CLIC5: variants seen among roughly 807,000 people sequenced by gnomAD.
The protein encoded by CLIC5 is chloride intracellular channel protein 5.
A neutral mutation model predicts 24.7 loss-of-function variants in CLIC5; 20 were observed. That is an observed-to-expected ratio of 0.81 (90% CI 0.57 to 1.18). The LOEUF is 1.18. CLIC5 is among the 50% of genes most tolerant of loss of function. CLIC5 has a pLI of 0.00. For synonymous variants in CLIC5, 159 were observed against 135.6 expected (o/e 1.17, Z -1.20); for missense variants, 341 against 326.1 (o/e 1.05, Z -0.35).
chr6:46,035,988 G>T (rs1767648381), intron 1 of CLIC5, among the ~76,000 whole-genome samples: 1 of 151,988 alleles, frequency 6.6e-6, no homozygotes, highest in African/African-American at 2.4e-5. Flanking sequence ...CTTGTGATCT[G>T]CCTGCCTCGG....
chr6:45,958,447 T>TACACACACAC (rs1446493409), intron 1 of CLIC5, among the ~76,000 whole-genome samples: 5 of 72,274 alleles, frequency 6.9e-5, no homozygotes, highest in African/African-American at 2.5e-4. Context: ...TATATATATA[T>TACACACACAC]ATATATATAT....
At chr6:45,995,212 C>T (rs777236358) in intron 1 of CLIC5, among the ~76,000 whole-genome samples, 4 of 152,154 alleles carry the variant, frequency 2.6e-5, no homozygotes, top group Non-Finnish European at 5.9e-5. Flanking sequence ...GCCTCAGTTT[C>T]CTCATCTATA....
At chr6:46,051,753 T>G (rs1768108802) in intron 1 of CLIC5, among the ~76,000 whole-genome samples, 1 of 152,256 alleles carries the variant, frequency 6.6e-6, no homozygotes, top group South Asian at 2.1e-4. Flanking sequence ...ATTTTATCTT[T>G]TGATGCTCAA....
chr6:46,104,354 C>A, the CLIC5 span, among the ~76,000 whole-genome samples: 2 of 152,210 alleles, frequency 1.3e-5, no homozygotes, highest in African/African-American at 4.8e-5. Flanking sequence ...TGACAGGTGA[C>A]CATTCTAAAA....
upstream of CLIC5, among the ~76,000 whole-genome samples, chr6:46,018,332 C>T (rs1767079675): frequency 6.6e-6 from 1 of 152,168 alleles, no homozygotes; most frequent in Non-Finnish European, 1.5e-5. Context: ...TCCTTAATCC[C>T]AAACCTATCA....
the CLIC5 span, among the ~76,000 whole-genome samples, chr6:46,112,277 T>C: frequency 4.2e-4 from 64 of 152,298 alleles, no homozygotes; most frequent in African/African-American, 1.4e-3. Flanking sequence ...TAGAAAAAAT[T>C]ACCTGAGAGT....
intron 1 of CLIC5, among the ~76,000 whole-genome samples, chr6:46,038,753 G>A (rs1010437020): frequency 2.0e-5 from 3 of 152,126 alleles, no homozygotes; most frequent in African/African-American, 7.2e-5. Context: ...AAACATTATG[G>A]CTTTCAGAAG....
At chr6:45,941,470 C>A (rs1365157233) in intron 4 of CLIC5, 77 bp downstream of exon 4, 7 of 1,113,156 alleles carry the variant, frequency 6.3e-6, no homozygotes, top group Non-Finnish European at 9.7e-6. Context: ...ATTTGACATG[C>A]CTATGGGCAA....
intron 4 of CLIC5, among the ~76,000 whole-genome samples, chr6:45,927,800 T>C (rs992086814): frequency 6.6e-6 from 1 of 152,186 alleles, no homozygotes; most frequent in Admixed American, 6.5e-5. Context: ...CTTTGAGAAC[T>C]CCTCATTATA....
At chr6:46,064,312 A>T (rs1369129670) in intron 1 of CLIC5, among the ~76,000 whole-genome samples, 1 of 152,160 alleles carries the variant, frequency 6.6e-6, no homozygotes, top group Non-Finnish European at 1.5e-5. Flanking sequence ...TCCCACCAAG[A>T]AATCTCTAGT....
the CLIC5 span, among the ~76,000 whole-genome samples, chr6:46,097,944 T>C: frequency 6.6e-6 from 1 of 152,182 alleles, no homozygotes; most frequent in Non-Finnish European, 1.5e-5. Flanking sequence ...ACACACGTCT[T>C]CTTACTGGGT....
In CLIC5 at chr6:45,924,658, C is replaced by T. The variant is rs1412085057; in HGVS notation, c.407-10249G>A. On this transcript the variant is annotated intron_variant, in intron 4 of 5. Transcript: ENST00000339561. ...TGGCAATGGCTAGGACAGGTATTTT[C>T]ACCAGAGAGAGAAAAAATATCACCT... is the stretch of plus-strand genomic sequence containing the variant. 2.6e-5 allele frequency among the ~76,000 whole-genome samples: 4 copies of T among 152,034 alleles called. No homozygotes were observed. In the East Asian group the frequency reaches 7.7e-4, roughly 29 times the overall value.
intron 1 of CLIC5, among the ~76,000 whole-genome samples, chr6:46,005,719 G>T (rs980448512): frequency 6.6e-6 from 1 of 151,950 alleles, no homozygotes; most frequent in Non-Finnish European, 1.5e-5. Flanking sequence ...TCATGAGGGT[G>T]GAGCCCTCAC....
At chr6:46,010,119 C>T (rs866824801) in intron 1 of CLIC5, among the ~76,000 whole-genome samples, 9 of 152,300 alleles carry the variant, frequency 5.9e-5, no homozygotes, top group South Asian at 2.1e-4. Flanking sequence ...CCCTGAATGA[C>T]GACCTGCTTT....
downstream of CLIC5, among the ~76,000 whole-genome samples, chr6:45,894,421 A>G (rs940310628): frequency 2.6e-5 from 4 of 152,238 alleles, no homozygotes; most frequent in African/African-American, 9.6e-5. Flanking sequence ...TGAGTAAAAA[A>G]TTAGAGTGAC....
the CLIC5 span, among the ~76,000 whole-genome samples, chr6:46,112,046 C>T: frequency 6.6e-5 from 10 of 152,196 alleles, no homozygotes; most frequent in African/African-American, 2.2e-4. Flanking sequence ...ATGTCTTTAT[C>T]AGCAGTGTGA....
upstream of CLIC5, among the ~76,000 whole-genome samples, chr6:46,016,274 A>G (rs1767007113): frequency 6.6e-6 from 1 of 152,088 alleles, no homozygotes; most frequent in Non-Finnish European, 1.5e-5. Context: ...TTTCTTTAAT[A>G]AAGCGTCAGC....
chr6:45,921,338 T>C (rs1470813976), intron 4 of CLIC5, among the ~76,000 whole-genome samples: 1 of 152,168 alleles, frequency 6.6e-6, no homozygotes, highest in African/African-American at 2.4e-5. Context: ...TGTTTGCATG[T>C]CACTGGTTTC....
chr6:45,985,501 G>A (rs1365793341), intron 1 of CLIC5, among the ~76,000 whole-genome samples: 1 of 152,132 alleles, frequency 6.6e-6, no homozygotes, highest in Admixed American at 6.5e-5. Flanking sequence ...CAACAGTGAA[G>A]TGACTCCTTT....
Sources: gnomAD v4.1 joint callset for allele counts (sites outside exome capture counted in the v4.1 genomes callset) on GRCh38, gnomAD v4.1.1 for gene constraint, MANE v1.5 for transcripts, NCBI Gene and HGNC (gene_info 2026-07-23, HGNC 2026-07-21) for gene names.